KIF3C: variants seen among roughly 807,000 people sequenced by gnomAD.
KIF3C encodes the protein kinesin-like protein KIF3C.
KIF3C carries 12 observed loss-of-function variants against 67.7 expected under a neutral mutation model. The observed-to-expected ratio is 0.18, with a 90% CI of 0.11 to 0.29. KIF3C has a LOEUF of 0.29. Among genes scored for constraint, KIF3C ranks in the 10% least tolerant of loss-of-function variants. KIF3C has a pLI of 1.00. For missense variants in KIF3C, 789 were observed against 1,059.6 expected (o/e 0.74, Z 3.55); for synonymous variants, 393 against 426.2 (o/e 0.92, Z 0.96).
At chr2:25,949,950 G>A (rs541024959) in intron 5 of KIF3C, among the ~76,000 whole-genome samples, 2 of 151,532 alleles carry the variant, frequency 1.3e-5, no homozygotes, top group Admixed American at 6.6e-5. Flanking sequence ...CAGCCTGGGC[G>A]AAAGAGCAAG....
In KIF3C at chr2:25,955,545, T is replaced by C. The variant is rs1446291380; in HGVS notation, c.1766A>G (p.Lys589Arg). 1.9e-6 allele frequency: 3 copies of C among 1,614,012 alleles called. No homozygotes were observed. The highest frequency in any genetic ancestry group is 1.7e-5 in the Admixed American group (1 of 60,002). ...QEVEVKTKKL[K>R]KLYAKLQAVK... Reference sequence around the variant, plus strand: ...GGTCCTGCTGCAGCGTCTCACCTTCTTGAGTTTCTTGGTTTTGACCTCCAC... The same window carrying C: ...GGTCCTGCTGCAGCGTCTCACCTTCCTGAGTTTCTTGGTTTTGACCTCCAC... Residue 589 changes from lysine to arginine, a missense_variant, in exon 3 of 8, where the codon AAG becomes AGG. By Grantham distance (26) the Lys-to-Arg change is conservative. Coordinates refer to ENST00000264712, the MANE Select transcript of KIF3C (RefSeq NM_002254.8). This position sits in a 1 kb window ranked among gnomAD's most constrained non-coding sequence, Gnocchi z 5.0.
In KIF3C at chr2:25,958,697, C is replaced by G. The variant is rs1663871088; in HGVS notation, c.1546-2253G>C. Among the ~76,000 whole-genome samples, 1 of 152,222 alleles carries G rather than the reference C, an allele frequency of 6.6e-6. No homozygotes were observed. Among genetic ancestry groups the G allele is most frequent in the Non-Finnish European group, 1.5e-5 (1 of 68,042 alleles). On this transcript the variant is annotated intron_variant, in intron 1 of 7. Coordinates refer to ENST00000264712, the MANE Select transcript of KIF3C (RefSeq NM_002254.8). The surrounding 1 kb of genome is among the most constrained non-coding windows in gnomAD (Gnocchi z 4.5). ...TCCAAGGTCAGCTGCAGTGACAGGC[C>G]CCGGGAGCTGGCCTGGCCTCCCGGT...
intron 5 of KIF3C, among the ~76,000 whole-genome samples, chr2:25,946,426 C>T (rs1313707700): frequency 6.6e-6 from 1 of 152,002 alleles, no homozygotes; most frequent in Non-Finnish European, 1.5e-5. Context: ...CATGGTGGCT[C>T]ACGCCTGTAA....
intron 1 of KIF3C, among the ~76,000 whole-genome samples, chr2:25,972,320 G>A (rs997772608): frequency 3.9e-5 from 6 of 152,112 alleles, no homozygotes; most frequent in African/African-American, 1.4e-4. Flanking sequence ...GAGCCTCAAT[G>A]TCACTTGAAG....
At chr2:25,936,547 G>T (rs896368642) in intron 5 of KIF3C, among the ~76,000 whole-genome samples, 6 of 152,138 alleles carry the variant, frequency 3.9e-5, no homozygotes, top group Admixed American at 3.9e-4. Context: ...CAGGAAATAT[G>T]TATCTGTATG....
intron 4 of KIF3C, among the ~76,000 whole-genome samples, chr2:25,953,809 A>C (rs544033032): frequency 6.6e-6 from 1 of 151,578 alleles, no homozygotes; most frequent in African/African-American, 2.4e-5. Flanking sequence ...CTGGGATTAC[A>C]AGTGCGCGCC....
At chr2:25,963,996 T>G (rs1415222287) in intron 1 of KIF3C, among the ~76,000 whole-genome samples, 1 of 152,050 alleles carries the variant, frequency 6.6e-6, no homozygotes, top group Non-Finnish European at 1.5e-5. Flanking sequence ...TGGCTCCGCA[T>G]GAAGTATTAT....
Position 25,928,157 on chromosome 2 carries a change from T to C in KIF3C, c.*821A>G, listed in dbSNP as rs1285511769. 1 of 152,268 alleles carries C rather than the reference T, an allele frequency of 6.6e-6. No individual in the cohort carries two copies. Among genetic ancestry groups the C allele is most frequent in the Non-Finnish European group, 1.5e-5 (1 of 68,042 alleles). 9.4% of individuals were successfully genotyped at this position (152,268 alleles called of 1,614,324 possible). ...AAAATGGGGAGTTGCCTTGAGAGCC[T>C]GTCGACCAAAATGACTCCTCGGAGG... On this transcript the variant is annotated 3_prime_UTR_variant, in exon 8 of 8. Coordinates refer to ENST00000264712, the MANE Select transcript of KIF3C (RefSeq NM_002254.8).
In KIF3C at chr2:25,951,850, G is replaced by A. The variant is rs1379877924; in HGVS notation, c.1945C>T (p.Arg649Trp). The A allele has an allele frequency of 7.4e-6, 12 of 1,614,074 alleles. No individual in the cohort carries two copies. Among genetic ancestry groups the A allele is most frequent in the Non-Finnish European group, 7.6e-6 (9 of 1,179,962 alleles). ...TCCTCCTCACAGTCCAGGAAAAGCCGGTTCATGATCTTGTTCTTCTCCTCC... is the reference window on the plus strand; with the variant it reads ...TCCTCCTCACAGTCCAGGAAAAGCCAGTTCATGATCTTGTTCTTCTCCTCC... ...PPEEKNKIMN[R>W]LFLDCEEEQW... The change falls in exon 5 of 8, where the codon CGG becomes TGG. Residue 649 changes from arginine (R) to tryptophan (W), a missense_variant. Arg to Trp is a moderately radical substitution (Grantham distance 101). Around this residue, in one of 2 missense-constraint regions of KIF3C, gnomAD observed 648 missense variants for 807.8 expected, o/e 0.80. Coordinates refer to ENST00000264712, the MANE Select transcript of KIF3C (RefSeq NM_002254.8).
At chr2:25,968,272 C>T (rs1032503475) in intron 1 of KIF3C, among the ~76,000 whole-genome samples, 3 of 152,102 alleles carry the variant, frequency 2.0e-5, no homozygotes, top group African/African-American at 4.8e-5. Context: ...ACAAAAATGA[C>T]GAATGGTTCA....
chr2:25,964,948 G>A (rs76213485), intron 1 of KIF3C, among the ~76,000 whole-genome samples: 3,042 of 152,216 alleles, frequency 0.02, 51 homozygotes, highest in Middle Eastern at 0.088. Context: ...ATCTGCTTCC[G>A]CGTTGGATCT....
chr2:25,929,031 C>G lies in KIF3C; in HGVS notation c.2329G>C (p.Ala777Pro). The G allele has an allele frequency of 6.2e-7, 1 of 1,613,876 alleles. No homozygotes were observed. The highest frequency in any genetic ancestry group is 8.5e-7 in the Non-Finnish European group (1 of 1,179,958). ...CGCAGAGAAGCAGAGGCCAGGGAGGCATGTGTGGTGGAAGGTGGAGGCCGC... is the reference window on the plus strand; with the variant it reads ...CGCAGAGAAGCAGAGGCCAGGGAGGGATGTGTGGTGGAAGGTGGAGGCCGC... The part of the protein sequence containing the change: ...PQRPPPSTTH[A>P]SLASASLRPA... Residue 777 changes from alanine to proline, a missense_variant, in exon 8 of 8, where the codon GCC becomes CCC. Coordinates refer to ENST00000264712, the MANE Select transcript of KIF3C (RefSeq NM_002254.8).
chr2:25,952,536 TG>T (rs1663645183), intron 4 of KIF3C, among the ~76,000 whole-genome samples: 1 of 120,606 alleles, frequency 8.3e-6, no homozygotes, highest in African/African-American at 3.8e-5. Flanking sequence ...TGTGTGTGTG[TG>T]TGTGTGTGTG....
chr2:25,950,445 T>C (rs1051312642), intron 5 of KIF3C, among the ~76,000 whole-genome samples: 8 of 148,224 alleles, frequency 5.4e-5, no homozygotes. Context: ...TGGTCTCAAA[T>C]TCCTGACCTC....
At chr2:25,929,735 C>T (rs2090442569) in intron 6 of KIF3C, among the ~76,000 whole-genome samples, 1 of 152,090 alleles carries the variant, frequency 6.6e-6, no homozygotes, top group Admixed American at 6.5e-5. Flanking sequence ...CCTGCCTCAG[C>T]CTCCCAAGTA....
At chr2:25,971,088 T>C (rs945210216) in intron 1 of KIF3C, among the ~76,000 whole-genome samples, 5 of 151,060 alleles carry the variant, frequency 3.3e-5, no homozygotes. Flanking sequence ...CTGGCTAACA[T>C]GGTGAAACCC....
intron 5 of KIF3C, among the ~76,000 whole-genome samples, chr2:25,932,283 G>T (rs935490581): frequency 4.6e-5 from 7 of 151,302 alleles, no homozygotes; most frequent in African/African-American, 1.7e-4. Context: ...TACAGACATA[G>T]GCCACTGCGC....
At chr2:25,936,565 TC>T (rs1663139040) in intron 5 of KIF3C, among the ~76,000 whole-genome samples, 1 of 152,238 alleles carries the variant, frequency 6.6e-6, no homozygotes, top group African/African-American at 2.4e-5. Context: ...ATGCCTGCCA[TC>T]CAGTTTTGTA....
rs577409791 is a variant in KIF3C, at chr2:25,961,444, A to G, written c.1546-5000T>C. Among the ~76,000 whole-genome samples, 4 of 152,332 alleles carry G rather than the reference A, an allele frequency of 2.6e-5. No individual in the cohort carries two copies. The East Asian group carries it at 7.7e-4, about 29-fold the overall frequency. On this transcript the variant is annotated intron_variant, in intron 1 of 7. Coordinates refer to ENST00000264712, the MANE Select transcript of KIF3C (RefSeq NM_002254.8). ...TAAAGTACAACAGAATTTCTAGCCT[A>G]TGTGAGCTGACAAAAAATGGCAGAT... is the stretch of plus-strand genomic sequence containing the variant.
Sources: allele counts gnomAD v4.1 joint callset (sites outside exome capture counted in the v4.1 genomes callset), GRCh38; gene constraint gnomAD v4.1.1; regional missense constraint gnomAD v4.1.1; non-coding constraint Gnocchi (gnomAD v3.1); transcripts MANE v1.5; gene names NCBI Gene and HGNC (gene_info 2026-07-23, HGNC 2026-07-21).